Variants in GOLGA4 observed in about 807,000 individuals in gnomAD.
GOLGA4 encodes golgin A4.
In GOLGA4, 169 loss-of-function variants were observed where a neutral mutation model predicts 265.9. The observed-to-expected ratio is 0.64, with a 90% CI of 0.56 to 0.72. The LOEUF (loss-of-function observed/expected upper bound fraction) is 0.72, where lower values mean the gene tolerates loss of function less well. GOLGA4 is among the 30% of genes least tolerant of loss of function. The pLI is 0.00. For missense variants in GOLGA4, 2,482 were observed against 2,483.4 expected, an observed-to-expected ratio of 1.00 and a Z score of 0.01; for synonymous variants, 923 against 855.8, an observed-to-expected ratio of 1.08 and a Z score of -1.37.
chr3:37,298,702 T>G, intron 7 of GOLGA4, 131 bp from the exon 8 acceptor site: 1 of 633,134 alleles, frequency 1.6e-6, no homozygotes, highest in Non-Finnish European at 2.8e-6. Context: ...GAACGAACAA[T>G]GACAGCTTAA....
chr3:37,347,352 C>A, intron 21 of GOLGA4, 56 bp downstream of exon 21: 2 of 979,246 alleles, frequency 2.0e-6, no homozygotes, highest in Non-Finnish European at 3.3e-6. Flanking sequence ...GAAATATGTT[C>A]CACTTTTAAT....
At chr3:37,312,046 G>T (rs994937424) in intron 10 of GOLGA4, among the ~76,000 whole-genome samples, 5 of 152,084 alleles carry the variant, frequency 3.3e-5, no homozygotes, top group African/African-American at 1.2e-4. Context: ...TTGACAAAAG[G>T]TTTTCATTTA....
At chr3:37,275,252 A>AAC (rs1194347647) in intron 2 of GOLGA4, among the ~76,000 whole-genome samples, 15 of 149,576 alleles carry the variant, frequency 1.0e-4, no homozygotes, top group African/African-American at 3.7e-4. Flanking sequence ...GAAAAAAAAA[A>AAC]CCCCAAAAAA....
chr3:37,256,799 C>G (rs1485224990), intron 2 of GOLGA4, among the ~76,000 whole-genome samples: 1 of 152,100 alleles, frequency 6.6e-6, no homozygotes, highest in Non-Finnish European at 1.5e-5. Context: ...AAGCTAACAT[C>G]CTCCTATCCT....
intron 10 of GOLGA4, among the ~76,000 whole-genome samples, chr3:37,311,579 T>A (rs1416793266): frequency 6.6e-6 from 1 of 152,214 alleles, no homozygotes; most frequent in Non-Finnish European, 1.5e-5. Context: ...CAAGTTGATT[T>A]AACATCTGAA....
chr3:37,275,822 A>C, intron 2 of GOLGA4: 3 of 1,613,796 alleles, frequency 1.9e-6, no homozygotes, highest in East Asian at 2.2e-5. Context: ...ACTGCAGTCC[A>C]CAAGAATCGG....
intron 23 of GOLGA4, among the ~76,000 whole-genome samples, chr3:37,363,487 A>G (rs536313678): frequency 1.3e-5 from 2 of 152,180 alleles, no homozygotes; most frequent in Non-Finnish European, 2.9e-5. Flanking sequence ...GAACACCCAT[A>G]TACCCTTCAC....
At position 37,266,800 on chromosome 3, in the gene GOLGA4, G is replaced by GT. The variant is rs768611071; in HGVS notation, c.163-15154dup. 4.2e-6 allele frequency: 4 copies of GT among 950,678 alleles called. No homozygotes were observed. The African/African-American group carries it at 6.8e-5, about 16-fold the overall frequency. The allele number at this position is 950,678 out of a possible 1,614,324, so 58.9% of individuals were successfully genotyped here. ...CATTATGATTTGTTTTTCATCATTT[G>GT]TTTTATTTTTGTACTTTTGCTTATT... On this transcript the variant is annotated intron_variant, in intron 2 of 23. Coordinates refer to ENST00000361924, the MANE Select transcript of GOLGA4 (RefSeq NM_002078.5).
At chr3:37,313,202 C>T (rs1483292860) in intron 10 of GOLGA4, among the ~76,000 whole-genome samples, 1 of 150,590 alleles carries the variant, frequency 6.6e-6, no homozygotes, top group Admixed American at 6.6e-5. Flanking sequence ...GACTCCATCT[C>T]AAAAGAAAAA....
chr3:37,318,405 G>T (rs2096944015), intron 11 of GOLGA4, among the ~76,000 whole-genome samples: 1 of 151,982 alleles, frequency 6.6e-6, no homozygotes, highest in African/African-American at 2.4e-5. Context: ...TTTTCTTTCT[G>T]CATTCTCTGT....
At chr3:37,365,048 A>G (rs1193424392) in intron 23 of GOLGA4, among the ~76,000 whole-genome samples, 1 of 151,586 alleles carries the variant, frequency 6.6e-6, no homozygotes, top group African/African-American at 2.4e-5. Context: ...GACACACACC[A>G]TCATGCCTGT....
At chr3:37,248,573 A>G (rs998730503) in intron 1 of GOLGA4, among the ~76,000 whole-genome samples, 28 of 152,226 alleles carry the variant, frequency 1.8e-4, no homozygotes, top group African/African-American at 5.3e-4. Context: ...TTATACTCAC[A>G]TCCATTTTCT....
intron 17 of GOLGA4, among the ~76,000 whole-genome samples, chr3:37,336,653 C>A (rs1191272935): frequency 6.6e-6 from 1 of 151,924 alleles, no homozygotes; most frequent in South Asian, 2.1e-4. Flanking sequence ...TGCCTGTGGT[C>A]CCAGCTACTT....
chr3:37,267,034 C>A, intron 2 of GOLGA4: 1 of 454,208 alleles, frequency 2.2e-6, no homozygotes, highest in Non-Finnish European at 4.0e-6. Flanking sequence ...TGCCACTTAC[C>A]ATCTCTCAAA....
At chr3:37,363,755 A>T (rs891013171) in intron 23 of GOLGA4, among the ~76,000 whole-genome samples, 1 of 152,214 alleles carries the variant, frequency 6.6e-6, no homozygotes, top group African/African-American at 2.4e-5. Flanking sequence ...AGTTTTTTAC[A>T]GTTTTCCAAA....
At chr3:37,274,182 T>C (rs2096807081) in intron 2 of GOLGA4, among the ~76,000 whole-genome samples, 1 of 151,880 alleles carries the variant, frequency 6.6e-6, no homozygotes, top group Admixed American at 6.6e-5. Flanking sequence ...TTTATAGTTA[T>C]AAAAGATCAT....
intron 2 of GOLGA4, chr3:37,275,861 A>G (rs974953670): frequency 6.2e-7 from 1 of 1,613,802 alleles, no homozygotes. Context: ...TCGCAAGCAG[A>G]GTACAGATGA....
chr3:37,333,979 A>G (rs1054505542), intron 16 of GOLGA4, among the ~76,000 whole-genome samples: 5 of 152,230 alleles, frequency 3.3e-5, no homozygotes, highest in African/African-American at 7.2e-5. Flanking sequence ...CTATTAAATC[A>G]GATACCTGTT....
At chr3:37,344,402 A>G (rs566466274) in intron 20 of GOLGA4, among the ~76,000 whole-genome samples, 4 of 151,528 alleles carry the variant, frequency 2.6e-5, no homozygotes, top group Non-Finnish European at 4.4e-5. Context: ...GTGCCTGGCC[A>G]GTTAGTCTGT....
Sources: allele counts gnomAD v4.1 joint callset (sites outside exome capture counted in the v4.1 genomes callset), GRCh38; gene constraint gnomAD v4.1.1; transcripts MANE v1.5; gene names NCBI Gene and HGNC (gene_info 2026-07-23, HGNC 2026-07-21).